Variants in SGCE observed in about 807,000 individuals in gnomAD.
The protein encoded by SGCE is epsilon-sarcoglycan.
In SGCE, 26 loss-of-function variants were observed where a neutral mutation model predicts 57.8. The ratio of observed to expected loss-of-function variants is 0.45; its 90% CI spans 0.33 to 0.62. The LOEUF (loss-of-function observed/expected upper bound fraction) is 0.62, where lower values mean the gene tolerates loss of function less well. SGCE is among the 20% of genes least tolerant of loss of function. The pLI is 0.02. For missense variants in SGCE, 468 were observed against 548.6 expected, an observed-to-expected ratio of 0.85 and a Z score of 1.47; for synonymous variants, 183 against 189.5, an observed-to-expected ratio of 0.97 and a Z score of 0.28.
chr7:94,655,424 A>G (rs1808481846), intron 1 of SGCE, among the ~76,000 whole-genome samples: 1 of 152,178 alleles, frequency 6.6e-6, no homozygotes, highest in Non-Finnish European at 1.5e-5. Context: ...AAAACCGAAG[A>G]AAACCGAGAT....
intron 1 of SGCE, among the ~76,000 whole-genome samples, chr7:94,634,876 T>C (rs1805373662): frequency 6.6e-6 from 1 of 152,212 alleles, no homozygotes; most frequent in Non-Finnish European, 1.5e-5. Context: ...AAAGTCTTAA[T>C]TCAACCCATA....
In SGCE at chr7:94,651,937, AT is replaced by A. The variant is rs200835923; in HGVS notation, c.109+4052del. ...AAACATTGGCTTTTTCTTCTTTATT[AT>A]TTTTTTTTTTTGTTTCTCGTACTGC... On this transcript the variant is annotated intron_variant, in intron 1 of 10. Transcript: ENST00000648936. 7.6e-3 allele frequency among the ~76,000 whole-genome samples: 1,073 copies of A among 140,828 alleles called. 22 individuals are homozygous for A. The highest frequency in any genetic ancestry group is 0.062 in the East Asian group (301 of 4,830). 92.4% of individuals were successfully genotyped at this position (140,828 alleles called of 152,430 possible).
intron 1 of SGCE, among the ~76,000 whole-genome samples, chr7:94,648,822 A>G (rs1807487957): frequency 6.6e-6 from 1 of 152,244 alleles, no homozygotes; most frequent in South Asian, 2.1e-4. Flanking sequence ...AAGAGCAACT[A>G]TACTTCCATG....
rs1802354063 is a variant in SGCE, at chr7:94,618,953, A to C, written c.467T>G (p.Phe156Cys). 1 of 1,611,554 alleles carries C rather than the reference A, an allele frequency of 6.2e-7. No homozygotes were observed. Among genetic ancestry groups the C allele is most frequent in the African/African-American group, 1.3e-5 (1 of 74,856 alleles). Reference sequence around the variant, plus strand: ...GAATTCTGCTTGATATGGCAACGGGAAGTCTAATTTTGGTGAAAAAGGGCA... The same window carrying C: ...GAATTCTGCTTGATATGGCAACGGGCAGTCTAATTTTGGTGAAAAAGGGCA... The part of the protein sequence containing the change: ...LIINIMSAED[F>C]PLPYQAEFFI... The change falls in exon 5 of 11, where the codon TTC (phenylalanine) becomes TGC (cysteine). Residue 156 changes from phenylalanine (F) to cysteine (C), a missense_variant. Coordinates refer to ENST00000648936, the MANE Select transcript of SGCE (RefSeq NM_003919.3).
chr7:94,593,732 T>G (rs1377973964), intron 9 of SGCE, among the ~76,000 whole-genome samples: 2 of 152,020 alleles, frequency 1.3e-5, no homozygotes, highest in African/African-American at 2.4e-5. Context: ...AGCTCCAACC[T>G]CCTAGACAAT....
chr7:94,631,984 T>G lies in SGCE; in HGVS notation c.110-2143A>C, dbSNP rs993445045. ...GGCAGCTAGAAGAGAGTCTGGTATA[T>G]TTGAATAATTGTATCAATGCCTATG... On this transcript the variant is annotated intron_variant, in intron 1 of 10. Transcript: ENST00000648936. Among the ~76,000 whole-genome samples the G allele has an allele frequency of 2.6e-5, 4 of 152,150 alleles. No individual in the cohort carries two copies. The East Asian group carries it at 5.8e-4, about 22-fold the overall frequency.
chr7:94,598,667 C>T, intron 9 of SGCE, 108 bp downstream of exon 9: 3 of 836,298 alleles, frequency 3.6e-6, no homozygotes, highest in Non-Finnish European at 6.3e-6. Flanking sequence ...GTTATTTTCT[C>T]TTCCAGTTAT....
At chr7:94,646,599 T>C (rs1562897738) in intron 1 of SGCE, among the ~76,000 whole-genome samples, 1 of 152,130 alleles carries the variant, frequency 6.6e-6, no homozygotes, top group African/African-American at 2.4e-5. Context: ...ATAAAATTAG[T>C]GAAAAGCAGA....
intron 5 of SGCE, 98 bp downstream of exon 5, chr7:94,618,660 G>A: frequency 5.0e-6 from 5 of 997,208 alleles, no homozygotes; most frequent in Admixed American, 2.3e-5. Context: ...TTATTAAAAC[G>A]AAAAATGCAA....
chr7:94,589,000 A>G (rs1203756403), intron 9 of SGCE: 1 of 459,792 alleles, frequency 2.2e-6, no homozygotes, highest in Admixed American at 3.4e-5. Context: ...GGTAGGTGTT[A>G]ATATTTTTCC....
intron 1 of SGCE, among the ~76,000 whole-genome samples, chr7:94,635,343 A>C (rs1227491683): frequency 6.6e-6 from 1 of 152,204 alleles, no homozygotes; most frequent in Non-Finnish European, 1.5e-5. Flanking sequence ...GAAGGTTTTA[A>C]GGTATGTTGA....
At chr7:94,628,135 A>AATACAC (rs1804032919) in intron 3 of SGCE, 67 bp downstream of exon 3, 7 of 1,043,332 alleles carry the variant, frequency 6.7e-6, no homozygotes, top group Non-Finnish European at 9.8e-6. Context: ...CTCAAATTAC[A>AATACAC]ATACACACAC....
chr7:94,614,223 G>T lies in SGCE; in HGVS notation c.662+4535C>A, dbSNP rs149164266. On this transcript the variant is annotated intron_variant, in intron 5 of 10. Coordinates refer to ENST00000648936, the MANE Select transcript of SGCE (RefSeq NM_003919.3). ...GTTTTATTGGCACTAAATTCTAAAA[G>T]AATTTTTTCATGTGTTCATGTTCCT... Among the ~76,000 whole-genome samples, 575 of 150,292 alleles carry T rather than the reference G, an allele frequency of 3.8e-3. 8 individuals carry two copies. Among genetic ancestry groups the T allele is most frequent in the African/African-American group, 0.013 (547 of 40,890 alleles).
At chr7:94,604,078 G>A (rs2116731325) in intron 5 of SGCE, among the ~76,000 whole-genome samples, 1 of 152,090 alleles carries the variant, frequency 6.6e-6, no homozygotes, top group South Asian at 2.1e-4. Flanking sequence ...AACACAAAGA[G>A]GCAAACAAAA....
chr7:94,619,143 C>A, intron 4 of SGCE, 187 bp from the exon 5 acceptor site: 1 of 595,066 alleles, frequency 1.7e-6, no homozygotes, highest in Non-Finnish European at 3.0e-6. Flanking sequence ...ACATTAGAAA[C>A]AGAACTTTAT....
At chr7:94,630,895 G>A (rs944884533) in intron 1 of SGCE, among the ~76,000 whole-genome samples, 2 of 151,900 alleles carry the variant, frequency 1.3e-5, no homozygotes, top group Admixed American at 1.3e-4. Context: ...CAAGATCACT[G>A]AACTACATTT....
At chr7:94,587,848 T>C in intron 10 of SGCE, 1 of 1,527,958 alleles carries the variant, frequency 6.5e-7, no homozygotes, top group Non-Finnish European at 8.8e-7. Context: ...AGAAGATAAT[T>C]TCTGAATGAA....
intron 8 of SGCE, 117 bp from the exon 9 acceptor site, chr7:94,599,080 C>A: frequency 1.4e-6 from 1 of 703,406 alleles, no homozygotes; most frequent in East Asian, 2.7e-5. Flanking sequence ...GACATTATGG[C>A]ACTTTGGGCA....
At chr7:94,588,909 T>A (rs1797270312) in intron 9 of SGCE, 177 bp from the exon 10 acceptor site, 1 of 654,590 alleles carries the variant, frequency 1.5e-6, no homozygotes, top group Non-Finnish European at 2.7e-6. Context: ...CTGAGGAGAA[T>A]AAAAATTAAC....
Sources: gnomAD v4.1 joint callset for allele counts (sites outside exome capture counted in the v4.1 genomes callset) on GRCh38, gnomAD v4.1.1 for gene constraint, MANE v1.5 for transcripts, NCBI Gene and HGNC (gene_info 2026-07-23, HGNC 2026-07-21) for gene names.